Variants in CHAF1B observed in about 807,000 individuals in gnomAD.
CHAF1B encodes the protein CAF-1 subunit B.
Under a neutral mutation model 60.7 loss-of-function variants are expected in CHAF1B, and 10 were observed. The ratio of observed to expected loss-of-function variants is 0.16; its 90% CI spans 0.10 to 0.28. The LOEUF is 0.28. Among genes scored for constraint, CHAF1B ranks in the 10% least tolerant of loss-of-function variants. The probability of loss-of-function intolerance (pLI) is 1.00; values close to 1 mark genes in which losing one functional copy is unlikely to be tolerated. For missense variants in CHAF1B, 558 were observed against 708.4 expected (o/e 0.79, Z 2.41); for synonymous variants, 261 against 266.1 (o/e 0.98, Z 0.19).
intron 3 of CHAF1B, 135 bp downstream of exon 3, chr21:36,387,865 C>G: frequency 8.8e-7 from 1 of 1,130,986 alleles, no homozygotes; most frequent in East Asian, 2.4e-5. Flanking sequence ...GTTCCCCAGG[C>G]TGGAGTGCAG....
In CHAF1B at chr21:36,387,658, G is replaced by T. The variant is rs759548731; in HGVS notation, c.187G>T (p.Ala63Ser). Residue 63 changes from alanine (A) to serine (S), a missense_variant, in exon 3 of 14, where the codon GCT (alanine) becomes TCT (serine). By Grantham distance (99) the Ala-to-Ser change is moderately conservative (BLOSUM62 1). Around this residue, in one of 2 missense-constraint regions of CHAF1B, gnomAD observed 325 missense variants for 493.5 expected, o/e 0.66. Coordinates refer to ENST00000314103, the MANE Select transcript of CHAF1B (RefSeq NM_005441.3). The part of the protein sequence containing the change: ...KAIVEFLSNL[A>S]RHTKAVNVVR... ...CATCGTGGAATTTTTGTCCAATCTT[G>T]CTCGTCATACCAAAGCCGTCAATGT... 44 of 1,614,028 alleles carry T rather than the reference G, an allele frequency of 2.7e-5. No individual in the cohort carries two copies. Among genetic ancestry groups the T allele is most frequent in the South Asian group, 2.2e-5 (2 of 91,088 alleles).
At chr21:36,393,105 G>T (rs1165300550) in intron 4 of CHAF1B, among the ~76,000 whole-genome samples, 10 of 152,212 alleles carry the variant, frequency 6.6e-5, no homozygotes, top group Non-Finnish European at 1.5e-4. Flanking sequence ...CCAGGCACTC[G>T]GCAGGCTGAG....
intron 12 of CHAF1B, among the ~76,000 whole-genome samples, chr21:36,414,801 CGAGG>C (rs2086305022): frequency 6.6e-6 from 1 of 152,070 alleles, no homozygotes; most frequent in Non-Finnish European, 1.5e-5. Context: ...TTAGTAGAGA[CGAGG>C]TTTTGCCATG....
intron 8 of CHAF1B, among the ~76,000 whole-genome samples, 161 bp downstream of exon 8, chr21:36,403,012 G>A (rs773796299): frequency 6.6e-6 from 1 of 152,154 alleles, no homozygotes; most frequent in South Asian, 2.1e-4. Context: ...AAAACACATT[G>A]GTGCCTATGT....
intron 9 of CHAF1B, among the ~76,000 whole-genome samples, 197 bp downstream of exon 9, chr21:36,409,027 G>A (rs936828723): frequency 8.6e-5 from 13 of 151,960 alleles, no homozygotes; most frequent in African/African-American, 2.9e-4. Context: ...GTTAATTTTT[G>A]TATTTTTAGT....
At position 36,412,982 on chromosome 21, in the gene CHAF1B, A is replaced by T; in HGVS notation, c.1160A>T (p.Lys387Met). Residue 387 changes from lysine (K) to methionine (M), a missense_variant, in exon 12 of 14, where the codon AAG (lysine) becomes ATG (methionine). By Grantham distance (95) the Lys-to-Met change is moderately conservative. Around this residue, in one of 2 missense-constraint regions of CHAF1B, gnomAD observed 325 missense variants for 493.5 expected, o/e 0.66. Transcript: ENST00000314103. The stretch of plus-strand genomic sequence containing the variant: ...GAACTTGGAATTCCTTTGAAAGAGA[A>T]GCCAGTTTTGAACATGAGAACTCCT... ...KDELGIPLKE[K>M]PVLNMRTPDT... 6.2e-7 allele frequency: 1 copy of T among 1,614,210 alleles called. No individual in the cohort carries two copies. The highest frequency in any genetic ancestry group is 8.5e-7 in the Non-Finnish European group (1 of 1,180,034).
chr21:36,415,282 T>G lies in CHAF1B; in HGVS notation c.1494-13T>G. ...GAGCCATCACCCCTCTACTTTTTTT[T>G]TTTTAAATCAAGGAGAATAAACTTA... On this transcript the variant is annotated splice_polypyrimidine_tract_variant and intron_variant, in intron 12 of 13. Coordinates refer to ENST00000314103, the MANE Select transcript of CHAF1B (RefSeq NM_005441.3). The G allele has an allele frequency of 6.4e-7, 1 of 1,558,766 alleles. No individual in the cohort carries two copies. Among genetic ancestry groups the G allele is most frequent in the Non-Finnish European group, 8.8e-7 (1 of 1,131,752 alleles).
intron 3 of CHAF1B, among the ~76,000 whole-genome samples, chr21:36,388,401 G>C (rs1264093630): frequency 6.6e-6 from 1 of 151,026 alleles, no homozygotes; most frequent in Non-Finnish European, 1.5e-5. Flanking sequence ...ATCAGAGTCA[G>C]TTCTGTGTCT....
At chr21:36,401,975 A>C (rs1325712607) in intron 7 of CHAF1B, among the ~76,000 whole-genome samples, 4 of 152,068 alleles carry the variant, frequency 2.6e-5, no homozygotes, top group African/African-American at 9.7e-5. Context: ...TCCTGGACTC[A>C]AGTGATCCGC....
At chr21:36,400,571 C>T (rs2086179769) in intron 7 of CHAF1B, among the ~76,000 whole-genome samples, 1 of 151,994 alleles carries the variant, frequency 6.6e-6, no homozygotes, top group Non-Finnish European at 1.5e-5. Context: ...TAAGCAGGGC[C>T]TCCATGATTC....
In CHAF1B at chr21:36,386,182, G is replaced by T. The variant is rs1272453875; in HGVS notation, c.46G>T (p.Val16Leu). ...AATAGCCTGGCACAACAAGGAGCCC[G>T]TGTACAGCCTGGACTTCCAGCATGG... The part of the protein sequence containing the change: ...CEIAWHNKEP[V>L]YSLDFQHGTA... The change falls in exon 2 of 14, where the codon GTG becomes TTG. Residue 16 changes from valine (V) to leucine (L), a missense_variant. Val to Leu is a conservative substitution (Grantham distance 32). This residue lies in a region of CHAF1B where 325 missense variants were observed against 493.5 expected (regional missense o/e 0.66). Coordinates refer to ENST00000314103, the MANE Select transcript of CHAF1B (RefSeq NM_005441.3). 1.9e-6 allele frequency: 3 copies of T among 1,614,086 alleles called. No individual in the cohort carries two copies. The East Asian group carries it at 6.7e-5, about 36-fold the overall frequency.
chr21:36,388,448 G>T (rs115887891), intron 3 of CHAF1B, among the ~76,000 whole-genome samples: 4,581 of 149,088 alleles, frequency 0.031, 100 homozygotes, highest in Admixed American at 0.046. Flanking sequence ...GACTGTGTTA[G>T]TAATTAATTG....
chr21:36,415,392 A>T lies in CHAF1B; in HGVS notation c.1588+3A>T, dbSNP rs548334311. The T allele has an allele frequency of 6.5e-7, 1 of 1,547,348 alleles. No individual in the cohort carries two copies. Among genetic ancestry groups the T allele is most frequent in the South Asian group, 1.1e-5 (1 of 89,736 alleles). On this transcript the variant is annotated splice_donor_region_variant and intron_variant, in intron 13 of 13. Coordinates refer to ENST00000314103, the MANE Select transcript of CHAF1B (RefSeq NM_005441.3). ...TTCTACAGAAGAAATTCAGTCAGGT[A>T]AGTAATATTGTTACTGGTTTAATAT...
chr21:36,401,398 AATAT>A (rs1023474132), intron 7 of CHAF1B, among the ~76,000 whole-genome samples: 1 of 125,894 alleles, frequency 7.9e-6, no homozygotes, highest in Non-Finnish European at 1.6e-5. Flanking sequence ...TATTATACAT[AATAT>A]ATATTTTTAT....
chr21:36,400,645 C>T (rs1248193994), intron 7 of CHAF1B, among the ~76,000 whole-genome samples: 3 of 152,124 alleles, frequency 2.0e-5, no homozygotes, highest in African/African-American at 4.8e-5. Context: ...CAACAGAAGA[C>T]AGGCAGGTCG....
At chr21:36,387,553 T>G in intron 2 of CHAF1B, 45 bp from the exon 3 acceptor site, 1 of 1,611,182 alleles carries the variant, frequency 6.2e-7, no homozygotes, top group Non-Finnish European at 8.5e-7. Flanking sequence ...CAGTATAATA[T>G]GTGCCCATTC....
intron 1 of CHAF1B, 22 bp from the exon 2 acceptor site, chr21:36,386,038 C>G (rs1569118179): frequency 6.9e-7 from 1 of 1,456,936 alleles, no homozygotes; most frequent in Non-Finnish European, 9.5e-7. Context: ...GCTGTTAACA[C>G]TGTTGTTTAA....
Position 36,397,718 on chromosome 21 carries a change from TC to T in CHAF1B, c.578+208del, listed in dbSNP as rs1439484792. Reference sequence around the variant, plus strand: ...TTACACGAAGTTTGTACTTAGTAAATCTTTTTTTTTTTTTTTTTTTTTAGAC... The same window carrying T: ...TTACACGAAGTTTGTACTTAGTAAATTTTTTTTTTTTTTTTTTTTTTAGAC... On this transcript the variant is annotated intron_variant, in intron 6 of 13. Transcript: ENST00000314103. 6.0e-3 allele frequency: 1,291 copies of T among 214,086 alleles called. 18 individuals are homozygous for T. Among genetic ancestry groups the T allele is most frequent in the Non-Finnish European group, 5.9e-3 (657 of 111,838 alleles). The allele number at this position is 214,086 out of a possible 1,614,324, so 13.3% of individuals were successfully genotyped here.
rs908980091 is a variant in CHAF1B, at chr21:36,416,348, G to A, written c.1662G>A (p.Thr554=). 22 of 1,613,846 alleles carry A rather than the reference G, an allele frequency of 1.4e-5. No individual in the cohort carries two copies. The highest frequency in any genetic ancestry group is 5.3e-5 in the African/African-American group (4 of 74,930). ...RPRLDENKGG[T]ESLDP is the part of the protein sequence containing the mutation. Reference sequence around the variant, plus strand: ...GACTCGATGAAAACAAAGGAGGCACGGAAAGTCTGGACCCTTGATGGGACC... The same window carrying A: ...GACTCGATGAAAACAAAGGAGGCACAGAAAGTCTGGACCCTTGATGGGACC... Residue 554 remains threonine (T), a synonymous_variant, in exon 14 of 14, where the codon ACG becomes ACA. Coordinates refer to ENST00000314103, the MANE Select transcript of CHAF1B (RefSeq NM_005441.3).
Sources: allele counts gnomAD v4.1 joint callset (sites outside exome capture counted in the v4.1 genomes callset), GRCh38; gene constraint gnomAD v4.1.1; regional missense constraint gnomAD v4.1.1; transcripts MANE v1.5; gene names NCBI Gene and HGNC (gene_info 2026-07-23, HGNC 2026-07-21).